The following C2CD3 variants were observed in gnomAD, a reference collection of about 807,000 sequenced individuals.
The protein encoded by C2CD3 is C2 domain-containing protein 3.
A neutral mutation model predicts 234.0 loss-of-function variants in C2CD3; 148 were observed. That is an observed-to-expected ratio of 0.63 (90% CI 0.55 to 0.72). The LOEUF is 0.72. Ranked by LOEUF, C2CD3 falls within the 30% of genes least tolerant of loss-of-function variation. The pLI, the probability that C2CD3 is intolerant of heterozygous loss-of-function variation, is 0.00. For missense variants in C2CD3, 2,577 were observed against 2,811.5 expected (o/e 0.92, Z 1.89); for synonymous variants, 1,000 against 1,035.4 (o/e 0.97, Z 0.66).
intron 5 of C2CD3, among the ~76,000 whole-genome samples, chr11:74,136,004 A>G (rs2135540275): frequency 6.6e-6 from 1 of 152,194 alleles, no homozygotes; most frequent in South Asian, 2.1e-4. Flanking sequence ...TTGAAAAACT[A>G]TTGGGTGCTA....
chr11:74,159,096 C>T (rs1456529331), intron 3 of C2CD3, among the ~76,000 whole-genome samples: 2 of 152,146 alleles, frequency 1.3e-5, no homozygotes, highest in Non-Finnish European at 2.9e-5. Context: ...TGAAAAATTC[C>T]TATCGCCTAG....
chr11:74,146,588 G>T (rs1217352347), intron 3 of C2CD3, among the ~76,000 whole-genome samples: 1 of 152,066 alleles, frequency 6.6e-6, no homozygotes, highest in Admixed American at 6.6e-5. Flanking sequence ...TCCTGAAATG[G>T]TCTTTGTTGA....
intron 29 of C2CD3, among the ~76,000 whole-genome samples, chr11:74,038,407 T>A (rs1336049482): frequency 2.0e-5 from 3 of 152,272 alleles, no homozygotes; most frequent in Non-Finnish European, 4.4e-5. Context: ...TTTATGTTTA[T>A]GCTTTTAAAC....
At chr11:74,104,808 A>G (rs890103882) in intron 13 of C2CD3, among the ~76,000 whole-genome samples, 4 of 152,168 alleles carry the variant, frequency 2.6e-5, no homozygotes, top group Non-Finnish European at 5.9e-5. Flanking sequence ...ACTCTGTTGA[A>G]TATAGACAGC....
rs745437106 is a variant in C2CD3 at position 74,078,493 on chromosome 11, T to A, written c.4225A>T (p.Ile1409Phe). ...GGCAGCCACAGCCTTGGGGTGGAGATGGTGACAGTGGCTGGCTCCCCTTCA... is the reference window on the plus strand; with the variant it reads ...GGCAGCCACAGCCTTGGGGTGGAGAAGGTGACAGTGGCTGGCTCCCCTTCA... ...MDEGEPATVT[I>F]STPRLWLPIH... is the part of the protein sequence containing the mutation. The change falls in exon 23 of 33, where the codon ATC (isoleucine) becomes TTC (phenylalanine). Residue 1409 changes from isoleucine (I) to phenylalanine (F), a missense_variant. Ile to Phe is a conservative substitution (Grantham distance 21, BLOSUM62 0). Transcript: ENST00000334126. 6.2e-7 allele frequency: 1 copy of A among 1,614,006 alleles called. No individual in the cohort carries two copies. Among genetic ancestry groups the A allele is most frequent in the African/African-American group, 1.3e-5 (1 of 74,898 alleles).
chr11:74,140,426 T>C (rs1473160661), intron 3 of C2CD3, among the ~76,000 whole-genome samples: 1 of 152,202 alleles, frequency 6.6e-6, no homozygotes, highest in East Asian at 1.9e-4. Flanking sequence ...ATCTATCCAT[T>C]AGCATAATCA....
At chr11:74,143,930 A>G (rs546200345) in intron 3 of C2CD3, among the ~76,000 whole-genome samples, 1 of 152,224 alleles carries the variant, frequency 6.6e-6, no homozygotes, top group South Asian at 2.1e-4. Flanking sequence ...CAGGTTATCT[A>G]TTTGATCTTG....
chr11:74,017,192 TC>T (rs1254809329), intron 32 of C2CD3, among the ~76,000 whole-genome samples: 3 of 152,142 alleles, frequency 2.0e-5, no homozygotes, highest in Non-Finnish European at 4.4e-5. Flanking sequence ...GGGAATTTGA[TC>T]TTATTCTTCT....
chr11:74,031,243 GA>G (rs1355826323), intron 31 of C2CD3, among the ~76,000 whole-genome samples: 1 of 152,158 alleles, frequency 6.6e-6, no homozygotes, highest in Non-Finnish European at 1.5e-5. Flanking sequence ...CCATTTTACA[GA>G]TGAGGAAAGT....
chr11:74,085,253 C>T (rs543222378), intron 21 of C2CD3, among the ~76,000 whole-genome samples: 4 of 151,296 alleles, frequency 2.6e-5, no homozygotes, highest in Admixed American at 6.6e-5. Context: ...CCTCCCACTT[C>T]GGCCTCCCAA....
intron 25 of C2CD3, among the ~76,000 whole-genome samples, chr11:74,056,023 A>G (rs140600607): frequency 6.6e-6 from 1 of 152,338 alleles, no homozygotes; most frequent in East Asian, 1.9e-4. Flanking sequence ...TTTTATATGA[A>G]GTACTCTGGC....
chr11:74,113,019 C>A (rs1036624528), intron 11 of C2CD3, among the ~76,000 whole-genome samples: 2 of 152,094 alleles, frequency 1.3e-5, no homozygotes, highest in Non-Finnish European at 2.9e-5. Context: ...CAGCATTATG[C>A]AAAATTGCCA....
Position 74,030,894 on chromosome 11 carries a change from T to G in C2CD3, c.6809+2457A>C, listed in dbSNP as rs574230924. On this transcript the variant is annotated intron_variant, in intron 31 of 32. Coordinates refer to ENST00000334126, the MANE Select transcript of C2CD3 (RefSeq NM_001286577.2). ...TGTGACAGAAACCTCTAATTACACTTTCTATTTCCTTTGTCTCATCCCCTG... is the reference window on the plus strand; with the variant it reads ...TGTGACAGAAACCTCTAATTACACTGTCTATTTCCTTTGTCTCATCCCCTG... Among the ~76,000 whole-genome samples, 36 of 152,326 alleles carry G rather than the reference T, an allele frequency of 2.4e-4. No individual in the cohort carries two copies. The South Asian group carries it at 7.0e-3, about 30-fold the overall frequency.
Position 74,033,450 on chromosome 11 carries a change from CTG to C in C2CD3, c.6708_6709del (p.Ser2236ArgfsTer6). 1 of 1,536,170 alleles carries C rather than the reference CTG, an allele frequency of 6.5e-7. No homozygotes were observed. The highest frequency in any genetic ancestry group is 2.4e-5 in the East Asian group (1 of 40,922). On this transcript the variant is annotated frameshift_variant, in exon 31 of 33. Transcript: ENST00000334126. LOFTEE classifies it high-confidence loss of function. ...GGGTGGTCCCTTATGGTTTTCCCTTCTGCTCTGGGAGGCTAGATTTAGCGGCA... is the reference window on the plus strand; with the variant it reads ...GGGTGGTCCCTTATGGTTTTCCCTTCCTCTGGGAGGCTAGATTTAGCGGCA...
intron 26 of C2CD3, among the ~76,000 whole-genome samples, chr11:74,052,662 G>A (rs1953754437): frequency 1.3e-5 from 2 of 152,220 alleles, no homozygotes; most frequent in Non-Finnish European, 2.9e-5. Flanking sequence ...AGAGAAAAGC[G>A]AGTTATGATC....
chr11:74,170,535 T>C (rs3814724), intron 1 of C2CD3, among the ~76,000 whole-genome samples: 2 of 152,008 alleles, frequency 1.3e-5, no homozygotes, highest in Non-Finnish European at 2.9e-5. Flanking sequence ...ATTAATCGCC[T>C]GTCTGTGGCC....
At position 74,042,225 on chromosome 11, in the gene C2CD3, A is replaced by C. The variant is rs76171768; in HGVS notation, c.5496-7T>G. On this transcript the variant is annotated splice_region_variant and splice_polypyrimidine_tract_variant and intron_variant, in intron 28 of 32. Coordinates refer to ENST00000334126, the MANE Select transcript of C2CD3 (RefSeq NM_001286577.2). ...GCTTCTTGTGGTATCACTTCTGTCA[A>C]AAAAAAAAAAAAAAAAAGTAGGAGC... 1 of 350,590 alleles carries C rather than the reference A, an allele frequency of 2.9e-6. No homozygotes were observed. The highest frequency in any genetic ancestry group is 2.2e-5 in the African/African-American group (1 of 45,774). 21.7% of individuals were successfully genotyped at this position (350,590 alleles called of 1,614,324 possible).
At chr11:74,071,184 A>G (rs944083731) in intron 24 of C2CD3, among the ~76,000 whole-genome samples, 1 of 152,252 alleles carries the variant, frequency 6.6e-6, no homozygotes, top group Non-Finnish European at 1.5e-5. Flanking sequence ...AGCAAACATA[A>G]TGTCCTCCTG....
intron 28 of C2CD3, among the ~76,000 whole-genome samples, chr11:74,043,246 GT>G (rs1170936426): frequency 2.6e-5 from 4 of 152,170 alleles, no homozygotes; most frequent in African/African-American, 9.7e-5. Flanking sequence ...TATAATATGT[GT>G]TTTTTGGTGA....
Sources: allele counts gnomAD v4.1 joint callset (sites outside exome capture counted in the v4.1 genomes callset), GRCh38; gene constraint gnomAD v4.1.1; transcripts MANE v1.5; gene names NCBI Gene and HGNC (gene_info 2026-07-23, HGNC 2026-07-21).